The following MICAL3 variants were observed in gnomAD, a reference collection of about 807,000 sequenced individuals.
The protein encoded by MICAL3 is [F-actin]-monooxygenase MICAL3.
Under a neutral mutation model 207.4 loss-of-function variants are expected in MICAL3, and 62 were observed. The observed-to-expected ratio is 0.30, with a 90% CI of 0.24 to 0.37. The LOEUF is 0.37. Ranked by LOEUF, MICAL3 falls within the 10% of genes least tolerant of loss-of-function variation. The probability of loss-of-function intolerance (pLI) is 1.00; values close to 1 mark genes in which losing one functional copy is unlikely to be tolerated. For missense variants in MICAL3, 2,368 were observed against 2,635.6 expected (o/e 0.90, Z 2.22); for synonymous variants, 1,077 against 1,069.3 (o/e 1.01, Z -0.14).
At chr22:17,875,948 C>T (rs1220880691) in intron 16 of MICAL3, among the ~76,000 whole-genome samples, 1 of 152,168 alleles carries the variant, frequency 6.6e-6, no homozygotes, top group East Asian at 1.9e-4. Flanking sequence ...TTCTCCAGGG[C>T]AAAAAGATTC....
chr22:18,001,381 C>T (rs944494119), intron 1 of MICAL3: 1 of 152,258 alleles, frequency 6.6e-6, no homozygotes, highest in African/African-American at 2.4e-5. Context: ...AGTCCCGAAG[C>T]CCCGTTCTTA....
intron 25 of MICAL3, among the ~76,000 whole-genome samples, chr22:17,820,347 T>C (rs1277597054): frequency 1.3e-5 from 2 of 152,188 alleles, no homozygotes; most frequent in Non-Finnish European, 2.9e-5. Context: ...GCTGTCTGCA[T>C]GGACGCTGTA....
intron 29 of MICAL3, among the ~76,000 whole-genome samples, chr22:17,798,859 G>A (rs55819709): frequency 6.6e-6 from 1 of 151,714 alleles, no homozygotes; most frequent in African/African-American, 2.4e-5. Flanking sequence ...ATTTTTAGTA[G>A]AGATGGGGTT....
rs1931231593 is a variant in MICAL3 at position 17,900,490 on chromosome 22, T to A, written c.847+352A>T. ...GGTGGAGCTTGCCTGTAGTCCCAGC[T>A]ACTCAGGAGGCTGAGATGGGAGGAT... On this transcript the variant is annotated intron_variant, in intron 6 of 31. Coordinates refer to ENST00000441493, the MANE Select transcript of MICAL3 (RefSeq NM_015241.3). The surrounding 1 kb of genome is among the most constrained non-coding windows in gnomAD (Gnocchi z 4.0). Among the ~76,000 whole-genome samples the A allele has an allele frequency of 6.6e-6, 1 of 152,050 alleles. No homozygotes were observed. Among genetic ancestry groups the A allele is most frequent in the Admixed American group, 6.6e-5 (1 of 15,266 alleles).
chr22:17,912,350 T>C (rs1365479937), intron 1 of MICAL3, among the ~76,000 whole-genome samples: 3 of 149,206 alleles, frequency 2.0e-5, no homozygotes, highest in African/African-American at 7.6e-5. Context: ...AATTTTAGGA[T>C]GGGTTTTTCT....
chr22:17,797,096 A>G (rs2061884427), intron 29 of MICAL3, among the ~76,000 whole-genome samples: 2 of 152,176 alleles, frequency 1.3e-5, no homozygotes, highest in African/African-American at 4.8e-5. Flanking sequence ...GGTCATCTGG[A>G]AGGCAGGCAG....
At chr22:17,806,190 A>T (rs2061987508) in intron 29 of MICAL3, among the ~76,000 whole-genome samples, 1 of 152,126 alleles carries the variant, frequency 6.6e-6, no homozygotes, top group Non-Finnish European at 1.5e-5. Flanking sequence ...TGAAGAGGAC[A>T]TTTTATTCAT....
intron 1 of MICAL3, among the ~76,000 whole-genome samples, chr22:17,933,503 C>T (rs188688053): frequency 3.4e-4 from 51 of 152,182 alleles, no homozygotes; most frequent in African/African-American, 1.2e-3. Flanking sequence ...GCACTAAATG[C>T]CCACAAGAGA....
intron 1 of MICAL3, among the ~76,000 whole-genome samples, chr22:17,986,546 C>A (rs1316899999): frequency 6.6e-6 from 1 of 151,876 alleles, no homozygotes; most frequent in Non-Finnish European, 1.5e-5. Flanking sequence ...AAGTAATGAC[C>A]GAACAGTACA....
At chr22:17,917,624 G>T (rs991286267) in intron 1 of MICAL3, among the ~76,000 whole-genome samples, 2 of 152,104 alleles carry the variant, frequency 1.3e-5, no homozygotes, top group Non-Finnish European at 2.9e-5. Context: ...CAGACACGTT[G>T]ACTGCCACAT....
At chr22:17,945,390 C>G (rs1179422117) in intron 1 of MICAL3, among the ~76,000 whole-genome samples, 2 of 152,206 alleles carry the variant, frequency 1.3e-5, no homozygotes, top group Non-Finnish European at 2.9e-5. Flanking sequence ...GGCCAGCTCC[C>G]TGCACACGCG....
chr22:17,828,352 A>T (rs1003988106), intron 21 of MICAL3, among the ~76,000 whole-genome samples: 2 of 152,252 alleles, frequency 1.3e-5, no homozygotes, highest in Non-Finnish European at 2.9e-5. Context: ...GGACAGAGAT[A>T]GACTTTGCTG....
chr22:17,854,924 A>T (rs1199691927), intron 19 of MICAL3, among the ~76,000 whole-genome samples: 1 of 152,196 alleles, frequency 6.6e-6, no homozygotes, highest in Non-Finnish European at 1.5e-5. Flanking sequence ...CCAGGAAGAA[A>T]ACTGACGGGA....
intron 16 of MICAL3, among the ~76,000 whole-genome samples, chr22:17,879,648 A>T (rs1416764020): frequency 6.6e-6 from 1 of 152,222 alleles, no homozygotes; most frequent in Non-Finnish European, 1.5e-5. Flanking sequence ...ATCAATGAAG[A>T]ACTATGGTTA....
intron 29 of MICAL3, among the ~76,000 whole-genome samples, chr22:17,802,567 C>T (rs528691222): frequency 2.0e-5 from 3 of 152,204 alleles, no homozygotes; most frequent in South Asian, 2.1e-4. Flanking sequence ...TCCGTGGGAG[C>T]GTGGGACTGG....
chr22:17,879,628 A>G (rs1929234859), intron 16 of MICAL3, among the ~76,000 whole-genome samples: 1 of 152,160 alleles, frequency 6.6e-6, no homozygotes, highest in Non-Finnish European at 1.5e-5. Flanking sequence ...CGACGAGGCC[A>G]GCTACACGGA....
chr22:18,004,958 G>A (rs1451197045), intron 1 of MICAL3: 2 of 150,744 alleles, frequency 1.3e-5, no homozygotes, highest in Non-Finnish European at 1.5e-5. Context: ...TTTTGAGGCA[G>A]AGTCACACTC....
rs1174972621 is a variant in MICAL3 at position 17,818,059 on chromosome 22, A to G, written c.4602T>C (p.Thr1534=). 1 of 1,612,976 alleles carries G rather than the reference A, an allele frequency of 6.2e-7. No individual in the cohort carries two copies. The highest frequency in any genetic ancestry group is 2.2e-5 in the East Asian group (1 of 44,850). The change falls in exon 26 of 32, where the codon ACT becomes ACC. Residue 1534 remains threonine, a synonymous_variant. Transcript: ENST00000441493. ...DDVEDTYDDK[T]EDSSLQEKFF... is the part of the protein sequence containing the mutation. ...ATTTCTCCTGCAGGCTTGAGTCCTC[A>G]GTCTTGTCGTCATAGGTGTCCTCCA...
At chr22:17,909,256 G>T (rs758494168) in intron 1 of MICAL3, among the ~76,000 whole-genome samples, 1 of 152,208 alleles carries the variant, frequency 6.6e-6, no homozygotes, top group Non-Finnish European at 1.5e-5. Context: ...CAGTGTGGTG[G>T]CTCATGCCTG....
Sources: allele counts gnomAD v4.1 joint callset (sites outside exome capture counted in the v4.1 genomes callset), GRCh38; gene constraint gnomAD v4.1.1; non-coding constraint Gnocchi (gnomAD v3.1); transcripts MANE v1.5; gene names NCBI Gene and HGNC (gene_info 2026-07-23, HGNC 2026-07-21).